The following PRKCA variants were observed in gnomAD, a reference collection of about 807,000 sequenced individuals.
PRKCA encodes protein kinase C alpha.
Under a neutral mutation model 87.0 loss-of-function variants are expected in PRKCA, and 27 were observed. That is an observed-to-expected ratio of 0.31 (90% CI 0.23 to 0.43). The LOEUF (loss-of-function observed/expected upper bound fraction) is 0.43. Ranked by LOEUF, PRKCA falls within the 20% of genes least tolerant of loss-of-function variation. PRKCA has a pLI of 1.00. For missense variants in PRKCA, 518 were observed against 852.3 expected (o/e 0.61, Z 4.88); for synonymous variants, 329 against 311.1 (o/e 1.06, Z -0.61).
chr17:66,667,030 A>G (rs1972062120), intron 5 of PRKCA, among the ~76,000 whole-genome samples: 1 of 152,196 alleles, frequency 6.6e-6, no homozygotes, highest in African/African-American at 2.4e-5. Context: ...CTGTCCAGCC[A>G]ACTCCTTTGT....
chr17:66,660,910 A>T (rs1971878756), intron 5 of PRKCA, among the ~76,000 whole-genome samples: 1 of 150,910 alleles, frequency 6.6e-6, no homozygotes, highest in Non-Finnish European at 1.5e-5. Flanking sequence ...CGCTGTCTTA[A>T]AAATAAATTA....
At chr17:66,743,920 C>T (rs976594248) in intron 13 of PRKCA, among the ~76,000 whole-genome samples, 3 of 152,148 alleles carry the variant, frequency 2.0e-5, no homozygotes, top group Non-Finnish European at 2.9e-5. Context: ...TGTGGGAACT[C>T]GGGTGAGTTA....
chr17:66,418,983 A>G (rs1398121481), intron 2 of PRKCA, among the ~76,000 whole-genome samples: 1 of 147,876 alleles, frequency 6.8e-6, no homozygotes, highest in Admixed American at 6.8e-5. Flanking sequence ...TATGGTCTTG[A>G]TCTCCTGACC....
intron 8 of PRKCA, among the ~76,000 whole-genome samples, chr17:66,698,325 T>C (rs1282108513): frequency 6.6e-6 from 1 of 152,070 alleles, no homozygotes; most frequent in Admixed American, 6.5e-5. Flanking sequence ...TTAAGGAAGC[T>C]CAGAGAGCTA....
At chr17:66,353,098 C>G (rs1465075366) in intron 2 of PRKCA, among the ~76,000 whole-genome samples, 1 of 151,326 alleles carries the variant, frequency 6.6e-6, no homozygotes, top group Non-Finnish European at 1.5e-5. Context: ...GCCATGCACT[C>G]CAGAGATCTA....
intron 3 of PRKCA, among the ~76,000 whole-genome samples, chr17:66,519,005 A>G (rs186589329): frequency 5.3e-4 from 80 of 152,368 alleles, no homozygotes; most frequent in Admixed American, 4.1e-3. Flanking sequence ...TGGAGGTTAC[A>G]CTAAAGACAT....
At chr17:66,652,184 CCT>C (rs1971607444) in intron 5 of PRKCA, among the ~76,000 whole-genome samples, 1 of 152,102 alleles carries the variant, frequency 6.6e-6, no homozygotes, top group African/African-American at 2.4e-5. Context: ...ATCTCGAACT[CCT>C]GACTTGAGGT....
rs1315328922 is a variant in PRKCA at position 66,587,893 on chromosome 17, G to GTATATATA, written c.289-53461_289-53460insATATATAT. On this transcript the variant is annotated intron_variant, in intron 3 of 16. Coordinates refer to ENST00000413366, the MANE Select transcript of PRKCA (RefSeq NM_002737.3). ...TATGTGTGTGTGTGTGTGTGTGTGT[G>GTATATATA]TGTATATATATATATATATATATAT... Among the ~76,000 whole-genome samples, 113 of 51,604 alleles carry GTATATATA rather than the reference G, an allele frequency of 2.2e-3. 4 individuals are homozygous for GTATATATA. The highest frequency in any genetic ancestry group is 3.4e-3 in the East Asian group (6 of 1,752). The allele number at this position is 51,604 out of a possible 152,430, so 33.9% of individuals were successfully genotyped here. A position where few individuals can be genotyped will look rare whatever the true frequency, so the allele number is the denominator to read the frequency against.
At chr17:66,490,090 T>G (rs1916169797) in intron 2 of PRKCA, among the ~76,000 whole-genome samples, 1 of 152,128 alleles carries the variant, frequency 6.6e-6, no homozygotes, top group Non-Finnish European at 1.5e-5. Flanking sequence ...CCAAATACTC[T>G]TTCTTGATGT....
intron 3 of PRKCA, among the ~76,000 whole-genome samples, chr17:66,606,969 G>A (rs1970227706): frequency 6.6e-6 from 1 of 152,052 alleles, no homozygotes; most frequent in African/African-American, 2.4e-5. Context: ...ATTACTGAAA[G>A]GAAATAATTA....
intron 3 of PRKCA, among the ~76,000 whole-genome samples, chr17:66,581,899 C>A (rs1197197865): frequency 6.6e-6 from 1 of 152,156 alleles, no homozygotes; most frequent in Middle Eastern, 3.2e-3. Context: ...TTTGCCGTGT[C>A]TCTTTGGGCA....
chr17:66,650,153 C>A (rs1474993895), intron 5 of PRKCA, among the ~76,000 whole-genome samples: 2 of 152,202 alleles, frequency 1.3e-5, no homozygotes, highest in Admixed American at 6.5e-5. Flanking sequence ...TATGTAGAAT[C>A]ACTCAGGTTG....
intron 2 of PRKCA, among the ~76,000 whole-genome samples, chr17:66,472,282 A>G (rs1915358518): frequency 6.6e-6 from 1 of 152,182 alleles, no homozygotes; most frequent in Admixed American, 6.5e-5. Flanking sequence ...CATGGAGACC[A>G]AGAAGAGGGA....
intron 5 of PRKCA, among the ~76,000 whole-genome samples, chr17:66,665,508 C>T (rs890846276): frequency 6.6e-6 from 1 of 151,700 alleles, no homozygotes; most frequent in African/African-American, 2.4e-5. Context: ...AAGAGGGGGT[C>T]CAAGTACCTC....
chr17:66,723,668 G>A (rs991701104), intron 8 of PRKCA, among the ~76,000 whole-genome samples: 27 of 151,642 alleles, frequency 1.8e-4, no homozygotes, highest in Non-Finnish European at 2.9e-5. Context: ...GACCAGGGTG[G>A]AGGGAATAAA....
chr17:66,781,619 C>G (rs1192892415), intron 14 of PRKCA, among the ~76,000 whole-genome samples: 2 of 152,068 alleles, frequency 1.3e-5, no homozygotes, highest in Non-Finnish European at 2.9e-5. Flanking sequence ...TCGTATCACC[C>G]CACTTACATG....
In PRKCA at chr17:66,379,873, G is replaced by A. The variant is rs191313468; in HGVS notation, c.205+73746G>A. Among the ~76,000 whole-genome samples the A allele has an allele frequency of 1.0e-3, 152 of 152,062 alleles. 2 individuals carry two copies. Among genetic ancestry groups the A allele is most frequent in the Admixed American group, 2.4e-3 (37 of 15,270 alleles). On this transcript the variant is annotated intron_variant, in intron 2 of 16. Transcript: ENST00000413366. ...CTACACTTAGGTCTGTGATCTTTTC[G>A]AGTTAATTTTTGAGGTCTAATTTCT... is the stretch of plus-strand genomic sequence containing the variant.
chr17:66,703,316 A>G (rs1973108454), intron 8 of PRKCA: 1 of 151,360 alleles, frequency 6.6e-6, no homozygotes, highest in Non-Finnish European at 1.5e-5. Flanking sequence ...TTTTTTTTTG[A>G]CCCTACACAG....
intron 11 of PRKCA, among the ~76,000 whole-genome samples, chr17:66,741,220 A>G (rs939386400): frequency 2.6e-5 from 4 of 152,254 alleles, no homozygotes; most frequent in Admixed American, 1.3e-4. Flanking sequence ...AACACTAGCT[A>G]AAGAGTTCAT....
Sources: allele counts gnomAD v4.1 joint callset (sites outside exome capture counted in the v4.1 genomes callset), GRCh38; gene constraint gnomAD v4.1.1; transcripts MANE v1.5; gene names NCBI Gene and HGNC (gene_info 2026-07-23, HGNC 2026-07-21).